FRMD4A: variants seen among roughly 807,000 people sequenced by gnomAD.
FRMD4A encodes the protein FERM domain-containing protein 4A.
A neutral mutation model predicts 129.1 loss-of-function variants in FRMD4A; 29 were observed. The ratio of observed to expected loss-of-function variants is 0.22; its 90% CI spans 0.17 to 0.31. The LOEUF is 0.31. FRMD4A is among the 10% of genes least tolerant of loss of function. FRMD4A has a pLI of 1.00. For synonymous variants in FRMD4A, 634 were observed against 571.6 expected, an observed-to-expected ratio of 1.11 and a Z score of -1.56; for missense variants, 1,272 against 1,375.8, an observed-to-expected ratio of 0.92 and a Z score of 1.19.
At chr10:13,859,983 C>T (rs532842066) in intron 2 of FRMD4A, among the ~76,000 whole-genome samples, 17 of 152,204 alleles carry the variant, frequency 1.1e-4, no homozygotes, top group African/African-American at 3.9e-4. Flanking sequence ...ATAAATGGGC[C>T]GAGCCCAGTG....
chr10:13,669,279 C>G (rs927793069), intron 17 of FRMD4A, among the ~76,000 whole-genome samples: 16 of 152,126 alleles, frequency 1.1e-4, no homozygotes, highest in African/African-American at 3.4e-4. Context: ...CCAGGCTGGT[C>G]TCGAACTCCT....
chr10:13,707,474 G>A (rs1268319424), intron 12 of FRMD4A: 3 of 1,017,722 alleles, frequency 2.9e-6, no homozygotes, highest in Non-Finnish European at 3.5e-6. Flanking sequence ...CCGGGGAGAG[G>A]GACCCAGCAG....
chr10:14,252,523 T>G (rs1269300002), intron 2 of FRMD4A, among the ~76,000 whole-genome samples: 1 of 152,236 alleles, frequency 6.6e-6, no homozygotes, highest in Non-Finnish European at 1.5e-5. Flanking sequence ...TGCCTCAATT[T>G]GGGGTTGTCC....
chr10:14,051,054 C>T (rs1342424386), intron 2 of FRMD4A, among the ~76,000 whole-genome samples: 5 of 152,188 alleles, frequency 3.3e-5, no homozygotes, highest in Admixed American at 3.3e-4. Flanking sequence ...GGGGATCTGA[C>T]ACTGATTCCA....
chr10:13,655,011 C>G (rs2082019872), intron 22 of FRMD4A: 1 of 160,322 alleles, frequency 6.2e-6, no homozygotes, highest in Admixed American at 5.8e-5. Flanking sequence ...AGAGCCTGCT[C>G]TCTCTGCTGT....
At chr10:14,110,054 A>T (rs112850920) in intron 2 of FRMD4A, among the ~76,000 whole-genome samples, 1,881 of 139,866 alleles carry the variant, frequency 0.013, 33 homozygotes, top group African/African-American at 0.046. Context: ...ACTTGAGCTC[A>T]GGAGGTCAAG....
intron 2 of FRMD4A, among the ~76,000 whole-genome samples, chr10:13,967,332 G>A (rs1199833959): frequency 6.6e-6 from 1 of 151,770 alleles, no homozygotes; most frequent in African/African-American, 2.4e-5. Flanking sequence ...GCGAGACTCC[G>A]TCTCAAAGAA....
intron 2 of FRMD4A, among the ~76,000 whole-genome samples, chr10:14,309,650 G>C (rs376844310): frequency 3.9e-5 from 6 of 151,942 alleles, no homozygotes; most frequent in Non-Finnish European, 7.4e-5. Context: ...AGCAGCATTC[G>C]AACCCCAGCC....
intron 3 of FRMD4A, among the ~76,000 whole-genome samples, chr10:13,852,311 T>C (rs2094150608): frequency 6.6e-6 from 1 of 151,934 alleles, no homozygotes; most frequent in African/African-American, 2.4e-5. Flanking sequence ...TGGCGTGACC[T>C]CGACTCACTG....
Position 13,656,863 on chromosome 10 carries a change from A to G in FRMD4A, c.2726T>C (p.Leu909Pro). Residue 909 changes from leucine to proline, a missense_variant, in exon 22 of 25, where the codon CTG (leucine) becomes CCG (proline). Coordinates refer to ENST00000357447, the MANE Select transcript of FRMD4A (RefSeq NM_018027.5). Reference protein sequence around the residue: ...SRSQILRTPSLGREGAHDKGA... With the variant: ...SRSQILRTPSPGREGAHDKGA... ...CTTGTCGTGGGCGCCCTCGCGGCCC[A>G]GCGACGGAGTCCGCAGGATCTGCGA... 6.7e-7 allele frequency: 1 copy of G among 1,489,916 alleles called. No homozygotes were observed. Among genetic ancestry groups the G allele is most frequent in the Non-Finnish European group, 8.9e-7 (1 of 1,123,966 alleles). 92.3% of individuals were successfully genotyped at this position (1,489,916 alleles called of 1,614,324 possible).
At chr10:13,748,951 C>T (rs2091429722) in intron 8 of FRMD4A, among the ~76,000 whole-genome samples, 1 of 152,194 alleles carries the variant, frequency 6.6e-6, no homozygotes, top group East Asian at 1.9e-4. Context: ...TGTAGACTCA[C>T]ACATGCTTAG....
intron 2 of FRMD4A, among the ~76,000 whole-genome samples, chr10:13,888,206 G>A (rs989938688): frequency 3.3e-5 from 5 of 152,112 alleles, no homozygotes; most frequent in African/African-American, 7.2e-5. Context: ...AATCCAGCAC[G>A]CCCTTCCCCA....
chr10:14,216,704 G>A (rs533877371), intron 2 of FRMD4A, among the ~76,000 whole-genome samples: 27 of 152,068 alleles, frequency 1.8e-4, no homozygotes, highest in African/African-American at 5.8e-4. Context: ...GAACCAAATC[G>A]TTAAACTCTT....
intron 2 of FRMD4A, chr10:14,087,642 T>A (rs936365608): frequency 6.6e-6 from 1 of 152,318 alleles, no homozygotes; most frequent in East Asian, 1.9e-4. Context: ...CCCAGCCTTC[T>A]GAGTTGAAGA....
Position 13,674,986 on chromosome 10 carries a change from C to T in FRMD4A, c.1176G>A (p.Lys392=). The part of the protein sequence containing the change: ...SAKKDMLAAL[K]SRQEALEETL... ...TTTCCTCCAGAGCTTCCTGCCTGGA[C>T]TTCAAGGCAGCCAGCATGTCCTTCT... Residue 392 remains lysine (K), a synonymous_variant, in exon 16 of 25, where the codon AAG becomes AAA. Coordinates refer to ENST00000357447, the MANE Select transcript of FRMD4A (RefSeq NM_018027.5). The T allele has an allele frequency of 3.1e-6, 5 of 1,613,198 alleles. No individual in the cohort carries two copies. The highest frequency in any genetic ancestry group is 4.2e-6 in the Non-Finnish European group (5 of 1,179,152).
chr10:13,782,724 G>A (rs2092768167), intron 6 of FRMD4A, among the ~76,000 whole-genome samples, 198 bp downstream of exon 6: 1 of 152,220 alleles, frequency 6.6e-6, no homozygotes, highest in Non-Finnish European at 1.5e-5. Context: ...TTACAGGCGT[G>A]AGCCAGCGCG....
At chr10:13,910,562 C>A (rs1316212016) in intron 2 of FRMD4A, among the ~76,000 whole-genome samples, 1 of 152,206 alleles carries the variant, frequency 6.6e-6, no homozygotes, top group African/African-American at 2.4e-5. Flanking sequence ...GGGACACAGG[C>A]TAACTTGGTT....
chr10:13,734,539 C>T (rs1335156578), intron 12 of FRMD4A, among the ~76,000 whole-genome samples: 1 of 152,144 alleles, frequency 6.6e-6, no homozygotes. Context: ...TGATTTCAGG[C>T]ACACTGGCCT....
At chr10:13,748,592 T>C (rs2091414670) in intron 8 of FRMD4A, among the ~76,000 whole-genome samples, 1 of 152,162 alleles carries the variant, frequency 6.6e-6, no homozygotes, top group East Asian at 1.9e-4. Flanking sequence ...AGACTCAACC[T>C]GTAACTTTTG....
Sources: gnomAD v4.1 joint callset for allele counts (sites outside exome capture counted in the v4.1 genomes callset) on GRCh38, gnomAD v4.1.1 for gene constraint, MANE v1.5 for transcripts, NCBI Gene and HGNC (gene_info 2026-07-23, HGNC 2026-07-21) for gene names.